The following ZIM3 variants were observed in gnomAD, a reference collection of about 807,000 sequenced individuals.
ZIM3 encodes zinc finger imprinted 3, also known as zinc finger protein 657.
Under a neutral mutation model 12.9 loss-of-function variants are expected in ZIM3, and 11 were observed. The observed-to-expected ratio is 0.85, with a 90% CI of 0.54 to 1.41. The LOEUF is 1.41. ZIM3 is among the 40% of genes most tolerant of loss of function. The probability of loss-of-function intolerance (pLI) is 0.00; values close to 1 mark genes in which losing one functional copy is unlikely to be tolerated. For synonymous variants in ZIM3, 205 were observed against 198.5 expected, an observed-to-expected ratio of 1.03 and a Z score of -0.28; for missense variants, 604 against 557.2, an observed-to-expected ratio of 1.08 and a Z score of -0.85.
At chr19:57,143,442 A>T (rs768847610) in intron 1 of ZIM3, among the ~76,000 whole-genome samples, 1 of 152,126 alleles carries the variant, frequency 6.6e-6, no homozygotes, top group East Asian at 1.9e-4. Flanking sequence ...AGAGCACAGT[A>T]AGGAAGGCCG....
Position 57,134,628 on chromosome 19 carries a change from T to C in ZIM3, c.*290A>G. 2.9e-6 allele frequency: 1 copy of C among 340,126 alleles called. No homozygotes were observed. The allele number at this position is 340,126 out of a possible 1,614,324, so 21.1% of individuals were successfully genotyped here. On this transcript the variant is annotated 3_prime_UTR_variant, in exon 5 of 5. Transcript: ENST00000269834. ...TTTTTAAAGATATGGATACCACTGG[T>C]CATTATTCACTGGAATAAAACTCCA...
At chr19:57,144,241 G>C (rs1296732033) in intron 1 of ZIM3, among the ~76,000 whole-genome samples, 1 of 151,854 alleles carries the variant, frequency 6.6e-6, no homozygotes, top group East Asian at 1.9e-4. Flanking sequence ...GTAAAGAAGG[G>C]ATCTTGCTAT....
rs766638090 is a variant in ZIM3 at position 57,136,108 on chromosome 19, A to T, written c.242-13T>A. ...TCCCCATTTTTTTCTAAAATGGAAT[A>T]CAAAAAAATGTCCTGTGTAAAACGT... On this transcript the variant is annotated splice_polypyrimidine_tract_variant and intron_variant, in intron 4 of 4. Coordinates refer to ENST00000269834, the MANE Select transcript of ZIM3 (RefSeq NM_052882.1). 8.8e-6 allele frequency: 14 copies of T among 1,596,218 alleles called. No individual in the cohort carries two copies. The African/African-American group carries it at 1.6e-4, about 19-fold the overall frequency.
At position 57,135,556 on chromosome 19, in the gene ZIM3, A is replaced by G. The variant is rs1358201832; in HGVS notation, c.781T>C (p.Ser261Pro). 4 of 1,613,810 alleles carry G rather than the reference A, an allele frequency of 2.5e-6. No individual in the cohort carries two copies. In the African/African-American group the frequency reaches 4.0e-5, roughly 16 times the overall value. Reference sequence around the variant, plus strand: ...TGATTAATGCAGGATGATTTCCAGGAAAAGGCTTTTCCACATGTCTTACAC... The same window carrying G: ...TGATTAATGCAGGATGATTTCCAGGGAAAGGCTTTTCCACATGTCTTACAC... ...YQCKTCGKAFSWKSSCINHEK... is the reference protein window; with the variant it reads ...YQCKTCGKAFPWKSSCINHEK... The change falls in exon 5 of 5, where the codon TCC (serine) becomes CCC (proline). Residue 261 changes from serine (S) to proline (P), a missense_variant. Physicochemically the swap from Ser to Pro is moderately conservative, Grantham distance 74. Transcript: ENST00000269834.
In ZIM3 at chr19:57,136,025, G is replaced by T; in HGVS notation, c.312C>A (p.Val104=). The change falls in exon 5 of 5, where the codon GTC becomes GTA. Residue 104 remains valine, a synonymous_variant. Coordinates refer to ENST00000269834, the MANE Select transcript of ZIM3 (RefSeq NM_052882.1). ...TCAGCGTTTCCTTATTGATTGATGG[G>T]ACTTCTCTTGCGAGACTCTCTTTCA... ...KDVKESLARE[V]PSINKETLTT... 12 of 1,614,062 alleles carry T rather than the reference G, an allele frequency of 7.4e-6. No individual in the cohort carries two copies. Among genetic ancestry groups the T allele is most frequent in the Non-Finnish European group, 9.3e-6 (11 of 1,180,016 alleles).
In ZIM3 at chr19:57,136,032, C is replaced by T. The variant is rs2086885331; in HGVS notation, c.305G>A (p.Arg102Lys). 1 of 1,614,048 alleles carries T rather than the reference C, an allele frequency of 6.2e-7. No homozygotes were observed. The highest frequency in any genetic ancestry group is 1.3e-5 in the African/African-American group (1 of 74,930). ...TTCCTTATTGATTGATGGGACTTCTCTTGCGAGACTCTCTTTCACATCCTT... is the reference window on the plus strand; with the variant it reads ...TTCCTTATTGATTGATGGGACTTCTTTTGCGAGACTCTCTTTCACATCCTT... ...KPKDVKESLA[R>K]EVPSINKETL... Residue 102 changes from arginine to lysine, a missense_variant, in exon 5 of 5, where the codon AGA becomes AAA. Coordinates refer to ENST00000269834, the MANE Select transcript of ZIM3 (RefSeq NM_052882.1).
intron 1 of ZIM3, 22 bp from the exon 2 acceptor site, chr19:57,142,707 C>A (rs962714410): frequency 1.3e-6 from 2 of 1,580,118 alleles, no homozygotes; most frequent in African/African-American, 1.4e-5. Flanking sequence ...TGGAAAAGAA[C>A]CATGAAATAG....
chr19:57,143,274 T>C (rs1338156103), intron 1 of ZIM3, among the ~76,000 whole-genome samples: 4 of 146,820 alleles, frequency 2.7e-5, no homozygotes, highest in South Asian at 2.1e-4. Flanking sequence ...GAGCTTGCAG[T>C]GAGCCGAGAT....
At chr19:57,137,584 A>C (rs1442452199) in intron 3 of ZIM3, among the ~76,000 whole-genome samples, 3 of 151,856 alleles carry the variant, frequency 2.0e-5, no homozygotes, top group African/African-American at 7.3e-5. Flanking sequence ...ATGGTGGTGC[A>C]CGTCTGTAAT....
chr19:57,135,321 A>G lies in ZIM3; in HGVS notation c.1016T>C (p.Ile339Thr), dbSNP rs760656589. 1.2e-6 allele frequency: 2 copies of G among 1,614,080 alleles called. No homozygotes were observed. The highest frequency in any genetic ancestry group is 8.5e-7 in the Non-Finnish European group (1 of 1,180,024). The change falls in exon 5 of 5, where the codon ATA becomes ACA. Residue 339 changes from isoleucine to threonine, a missense_variant. Coordinates refer to ENST00000269834, the MANE Select transcript of ZIM3 (RefSeq NM_052882.1). ...TTTCTGGGAAAAGGCCTTCTCACAT[A>G]TGCTACATTTATAGGGTTTCTCTCC... The part of the protein sequence containing the change: ...HTGEKPYKCS[I>T]CEKAFSQKSN...
chr19:57,136,461 A>G (rs10418374), intron 4 of ZIM3, among the ~76,000 whole-genome samples: 102,238 of 151,348 alleles, frequency 0.68, 35,028 homozygotes, highest in East Asian at 0.93. Context: ...TCGGGGGTTC[A>G]AGACCAGCCT....
Position 57,135,682 on chromosome 19 carries a change from C to G in ZIM3, c.655G>C (p.Glu219Gln). The G allele has an allele frequency of 3.7e-6, 6 of 1,613,214 alleles. No homozygotes were observed. Among genetic ancestry groups the G allele is most frequent in the Non-Finnish European group, 5.1e-6 (6 of 1,179,512 alleles). The change falls in exon 5 of 5, where the codon GAG (glutamate) becomes CAG (glutamine). Residue 219 changes from glutamate (E) to glutamine (Q), a missense_variant. Transcript: ENST00000269834. The part of the protein sequence containing the change: ...KLDKHQKTHA[E>Q]ERPYKCENCG... The stretch of plus-strand genomic sequence containing the variant: ...TTCTCACATTTATAGGGCCTTTCCT[C>G]TGCGTGAGTTTTCTGATGTTTATCA...
chr19:57,134,980 C>G lies in ZIM3; in HGVS notation c.1357G>C (p.Gly453Arg), dbSNP rs756326743. ...TATGACCTGTCAGCGAAGGCTTTAC[C>G]GCATTCAGAACATCCATAAGGTTTT... is the stretch of plus-strand genomic sequence containing the variant. Reference protein sequence around the residue: ...GQKPYGCSECGKAFADRSYLV... With the variant: ...GQKPYGCSECRKAFADRSYLV... The change falls in exon 5 of 5, where the codon GGT becomes CGT. Residue 453 changes from glycine to arginine, a missense_variant. Transcript: ENST00000269834. 6.2e-7 allele frequency: 1 copy of G among 1,614,030 alleles called. No individual in the cohort carries two copies. Among genetic ancestry groups the G allele is most frequent in the Admixed American group, 1.7e-5 (1 of 60,006 alleles).
At chr19:57,139,309 C>T (rs563299583) in intron 2 of ZIM3, among the ~76,000 whole-genome samples, 106 of 150,432 alleles carry the variant, frequency 7.0e-4, no homozygotes, top group Non-Finnish European at 1.4e-3. Context: ...GCCAGGGCAA[C>T]AAGAGCAAAA....
chr19:57,137,590 G>C (rs986803004), intron 3 of ZIM3, among the ~76,000 whole-genome samples: 1 of 151,932 alleles, frequency 6.6e-6, no homozygotes, highest in Non-Finnish European at 1.5e-5. Context: ...GTGCACGTCT[G>C]TAATCCCAGC....
chr19:57,144,625 T>C (rs2086929376), intron 1 of ZIM3, among the ~76,000 whole-genome samples: 1 of 152,080 alleles, frequency 6.6e-6, no homozygotes, highest in Admixed American at 6.6e-5. Flanking sequence ...GAAGTAGCTG[T>C]GGGCCAGCAG....
In ZIM3 at chr19:57,140,475, CT is replaced by C. The variant is rs578056799; in HGVS notation, c.16-1878del. ...AAAGGGATGAGCCACCGCACCCGGC[CT>C]TTTTTTTTAAATTTTTGACACAGGT... On this transcript the variant is annotated intron_variant, in intron 2 of 4. Coordinates refer to ENST00000269834, the MANE Select transcript of ZIM3 (RefSeq NM_052882.1). 7.6e-3 allele frequency among the ~76,000 whole-genome samples: 1,152 copies of C among 151,012 alleles called. 24 individuals are homozygous for C. The highest frequency in any genetic ancestry group is 0.027 in the African/African-American group (1,104 of 41,046).
intron 2 of ZIM3, among the ~76,000 whole-genome samples, chr19:57,139,831 G>C (rs1372767128): frequency 6.6e-6 from 1 of 152,154 alleles, no homozygotes; most frequent in Non-Finnish European, 1.5e-5. Flanking sequence ...ATTCAGACTG[G>C]ATGGTGCGCT....
At position 57,142,481 on chromosome 19, in the gene ZIM3, A is replaced by G. The variant is rs1265048233; in HGVS notation, c.15+148T>C. 2.2e-5 allele frequency: 18 copies of G among 812,936 alleles called. 1 individual carries two copies. The highest frequency in any genetic ancestry group is 3.3e-5 in the Non-Finnish European group (17 of 509,290). The allele number at this position is 812,936 out of a possible 1,614,324, so 50.4% of individuals were successfully genotyped here. ...AATGTTTCAGCTTTAATAGGAAAGC[A>G]GAAAGTAGAGTGTGTGTTACCTTTT... On this transcript the variant is annotated intron_variant, in intron 2 of 4. Transcript: ENST00000269834.
Sources: gnomAD v4.1 joint callset for allele counts (sites outside exome capture counted in the v4.1 genomes callset) on GRCh38, gnomAD v4.1.1 for gene constraint, MANE v1.5 for transcripts, NCBI Gene and HGNC (gene_info 2026-07-23, HGNC 2026-07-21) for gene names.